The following ARHGAP18 variants were observed in gnomAD, a reference collection of about 807,000 sequenced individuals.
ARHGAP18 encodes rho GTPase-activating protein 18.
In ARHGAP18, 67 loss-of-function variants were observed where a neutral mutation model predicts 86.2. That is an observed-to-expected ratio of 0.78 (90% confidence interval 0.64 to 0.95). The LOEUF (loss-of-function observed/expected upper bound fraction) is 0.95. Ranked by LOEUF, ARHGAP18 falls within the 40% of genes least tolerant of loss-of-function variation. The pLI is 0.00. For missense variants in ARHGAP18, 691 were observed against 780.4 expected (o/e 0.89, Z 1.37); for synonymous variants, 283 against 280.4 (o/e 1.01, Z -0.09).
chr6:129,645,136 G>C (rs1446438524), intron 1 of ARHGAP18, among the ~76,000 whole-genome samples: 2 of 152,066 alleles, frequency 1.3e-5, no homozygotes, highest in African/African-American at 4.8e-5. Context: ...AACCTGCCAC[G>C]TATTTTTTAA....
At chr6:129,667,257 A>G (rs1774057594) in intron 1 of ARHGAP18, among the ~76,000 whole-genome samples, 1 of 152,068 alleles carries the variant, frequency 6.6e-6, no homozygotes, top group African/African-American at 2.4e-5. Context: ...CAATGTTTTC[A>G]AAAATCTTAG....
chr6:129,637,519 G>A (rs1416647003), intron 3 of ARHGAP18, among the ~76,000 whole-genome samples: 1 of 152,154 alleles, frequency 6.6e-6, no homozygotes, highest in East Asian at 1.9e-4. Context: ...TTAACCTAAA[G>A]CTGCCTCCTT....
rs34386438 is a variant in ARHGAP18, at chr6:129,608,035, T to C, written c.1140A>G (p.Leu380=). 4.1e-4 allele frequency: 649 copies of C among 1,586,550 alleles called. 3 individuals carry two copies. The African/African-American group carries it at 7.8e-3, about 19-fold the overall frequency. ...AAGTCCCTTCATAAAACTTTGCTTCTAGTTCTTGGCAAAGATTCTGATAGG... is the reference window on the plus strand; with the variant it reads ...AAGTCCCTTCATAAAACTTTGCTTCCAGTTCTTGGCAAAGATTCTGATAGG... The part of the protein sequence containing the change: ...AIRIKNLCQE[L]EAKFYEGTFN... The change falls in exon 9 of 15, where the codon CTA becomes CTG. Residue 380 remains leucine (L), a synonymous_variant. Coordinates refer to ENST00000368149, the MANE Select transcript of ARHGAP18 (RefSeq NM_033515.3).
At chr6:129,601,460 C>T (rs950567883) in intron 10 of ARHGAP18, among the ~76,000 whole-genome samples, 6 of 146,490 alleles carry the variant, frequency 4.1e-5, no homozygotes, top group African/African-American at 1.5e-4. Flanking sequence ...GAGAAACCCT[C>T]TCTCAAAAAA....
Position 129,607,875 on chromosome 6 carries a change from A to T in ARHGAP18, c.1282+18T>A, listed in dbSNP as rs749170651. The stretch of plus-strand genomic sequence containing the variant: ...TGGCACCAGCAGAAGGACTGCTTCA[A>T]AGAGGGATAGCACTTACTCTGGACA... On this transcript the variant is annotated intron_variant, in intron 9 of 14. Coordinates refer to ENST00000368149, the MANE Select transcript of ARHGAP18 (RefSeq NM_033515.3). 2 of 1,567,956 alleles carry T rather than the reference A, an allele frequency of 1.3e-6. No individual in the cohort carries two copies. Among genetic ancestry groups the T allele is most frequent in the South Asian group, 2.4e-5 (2 of 82,866 alleles).
intron 5 of ARHGAP18, among the ~76,000 whole-genome samples, chr6:129,621,452 G>T (rs947077891): frequency 6.6e-6 from 1 of 152,042 alleles, no homozygotes; most frequent in African/African-American, 2.4e-5. Flanking sequence ...TTCCAGCAGG[G>T]GGCAGGATGG....
intron 12 of ARHGAP18, chr6:129,596,786 T>C (rs1400154083): frequency 1.3e-5 from 2 of 152,170 alleles, no homozygotes; most frequent in Admixed American, 1.3e-4. Flanking sequence ...GGGCATGGCT[T>C]ACAGCAAAGT....
Position 129,615,580 on chromosome 6 carries a change from G to A in ARHGAP18, c.1044+632C>T, listed in dbSNP as rs146354090. Among the ~76,000 whole-genome samples the A allele has an allele frequency of 5.3e-5, 8 of 152,310 alleles. No individual in the cohort carries two copies. The East Asian group carries it at 1.3e-3, about 26-fold the overall frequency. On this transcript the variant is annotated intron_variant, in intron 7 of 14. Transcript: ENST00000368149. ...CCTGGGCTGCTGCAAAGAATCTACG[G>A]CTTGGGTAGTTCACAACTGAGTTGA...
intron 1 of ARHGAP18, among the ~76,000 whole-genome samples, chr6:129,649,283 C>T (rs982207839): frequency 1.3e-5 from 2 of 152,134 alleles, no homozygotes; most frequent in Non-Finnish European, 2.9e-5. Context: ...CGGCCAGGTG[C>T]GGTGACTCAC....
chr6:129,599,402 C>A (rs1397958899), intron 11 of ARHGAP18, 46 bp from the exon 12 acceptor site: 3 of 1,371,220 alleles, frequency 2.2e-6, no homozygotes, highest in African/African-American at 1.5e-5. Context: ...AGAAATGCCA[C>A]CATTTTAAAC....
intron 7 of ARHGAP18, 64 bp from the exon 8 acceptor site, chr6:129,611,674 C>T: frequency 7.3e-7 from 1 of 1,365,818 alleles, no homozygotes; most frequent in Non-Finnish European, 1.0e-6. Flanking sequence ...CCGAATTTAA[C>T]ATCTGTTTCA....
intron 1 of ARHGAP18, among the ~76,000 whole-genome samples, chr6:129,696,725 AATGCACAT>A (rs139799468): frequency 0.34 from 51,843 of 151,714 alleles, 8,974 homozygotes; most frequent in Non-Finnish European, 0.37. Context: ...CTAAGAGATA[AATGCACAT>A]AGGATACGCA....
At chr6:129,595,548 C>T (rs896010389) in intron 12 of ARHGAP18, among the ~76,000 whole-genome samples, 1 of 152,156 alleles carries the variant, frequency 6.6e-6, no homozygotes, top group Non-Finnish European at 1.5e-5. Flanking sequence ...AATTTATATA[C>T]TCCCATCAAC....
chr6:129,614,025 A>C (rs924234328), intron 7 of ARHGAP18, among the ~76,000 whole-genome samples: 1 of 152,212 alleles, frequency 6.6e-6, no homozygotes, highest in African/African-American at 2.4e-5. Context: ...ATTAGGTTAT[A>C]AGACAGACTT....
At chr6:129,601,631 CTT>C (rs34417139) in intron 10 of ARHGAP18, among the ~76,000 whole-genome samples, 13 of 143,112 alleles carry the variant, frequency 9.1e-5, no homozygotes, top group East Asian at 2.0e-4. Context: ...GAGAATCTTT[CTT>C]TTTTTTTTTT....
At chr6:129,696,306 C>T (rs1774615741) in intron 1 of ARHGAP18, among the ~76,000 whole-genome samples, 1 of 152,180 alleles carries the variant, frequency 6.6e-6, no homozygotes, top group Non-Finnish European at 1.5e-5. Flanking sequence ...TTACACTACA[C>T]AGAATAATAG....
intron 1 of ARHGAP18, among the ~76,000 whole-genome samples, chr6:129,656,776 TG>T (rs2114514870): frequency 6.6e-6 from 1 of 152,350 alleles, no homozygotes; most frequent in East Asian, 1.9e-4. Context: ...AACAGTGTCT[TG>T]TTTGATTCAA....
At chr6:129,709,882 G>A (rs1481147379) in intron 1 of ARHGAP18, 142 bp downstream of exon 1, 2 of 645,146 alleles carry the variant, frequency 3.1e-6, no homozygotes, top group South Asian at 3.7e-5. Flanking sequence ...TAAAAATCAC[G>A]CCAAACGTTG....
chr6:129,707,296 A>G (rs1041763542), intron 1 of ARHGAP18, among the ~76,000 whole-genome samples: 1 of 152,184 alleles, frequency 6.6e-6, no homozygotes, highest in African/African-American at 2.4e-5. Flanking sequence ...TATAAATGGC[A>G]TTATAAAGAC....
Sources: gnomAD v4.1 joint callset for allele counts (sites outside exome capture counted in the v4.1 genomes callset) on GRCh38, gnomAD v4.1.1 for gene constraint, MANE v1.5 for transcripts, NCBI Gene and HGNC (gene_info 2026-07-23, HGNC 2026-07-21) for gene names.